Variants in ARNT observed in about 807,000 individuals in gnomAD.
ARNT encodes aryl hydrocarbon receptor nuclear translocator.
Under a neutral mutation model 105.0 loss-of-function variants are expected in ARNT, and 30 were observed. The observed-to-expected ratio is 0.29, with a 90% CI of 0.21 to 0.39. ARNT has a LOEUF of 0.39. Ranked by LOEUF, ARNT falls within the 10% of genes least tolerant of loss-of-function variation. The pLI, the probability that ARNT is intolerant of heterozygous loss-of-function variation, is 1.00. For missense variants in ARNT, 748 were observed against 978.7 expected (o/e 0.76, Z 3.15); for synonymous variants, 304 against 344.0 (o/e 0.88, Z 1.29).
intron 5 of ARNT, among the ~76,000 whole-genome samples, chr1:150,841,576 A>C (rs1661311572): frequency 6.6e-6 from 1 of 151,988 alleles, no homozygotes; most frequent in African/African-American, 2.4e-5. Flanking sequence ...ATATAGTAAA[A>C]ATGGGTATTG....
At chr1:150,832,219 G>GT in intron 9 of ARNT, 115 bp downstream of exon 9, 1 of 1,061,852 alleles carries the variant, frequency 9.4e-7, no homozygotes, top group Non-Finnish European at 1.4e-6. Flanking sequence ...TAAGTGGGAG[G>GT]TAAGGGATGC....
At chr1:150,852,670 A>T in intron 3 of ARNT, 92 bp downstream of exon 3, 2 of 1,175,290 alleles carry the variant, frequency 1.7e-6, no homozygotes, top group South Asian at 1.3e-5. Flanking sequence ...CTCTCCTTAG[A>T]CCTAAGGACA....
At chr1:150,834,379 G>A (rs1165088222) in intron 8 of ARNT, among the ~76,000 whole-genome samples, 159 bp downstream of exon 8, 1 of 152,214 alleles carries the variant, frequency 6.6e-6, no homozygotes, top group African/African-American at 2.4e-5. Context: ...AGAAACGTTA[G>A]TTCCCTTTCC....
At chr1:150,830,160 A>T (rs1659103619) in intron 10 of ARNT, 180 bp from the exon 11 acceptor site, 1 of 576,902 alleles carries the variant, frequency 1.7e-6, no homozygotes, top group Non-Finnish European at 3.0e-6. Flanking sequence ...AGCCTGGCCG[A>T]CACAGTGAAA....
chr1:150,857,693 C>A (rs1167482390), intron 2 of ARNT, among the ~76,000 whole-genome samples: 1 of 152,202 alleles, frequency 6.6e-6, no homozygotes, highest in African/African-American at 2.4e-5. Context: ...TTTTCTCAGT[C>A]TTTACCAACA....
At chr1:150,866,360 G>A (rs1666593730) in intron 1 of ARNT, among the ~76,000 whole-genome samples, 5 of 152,278 alleles carry the variant, frequency 3.3e-5, no homozygotes, top group Admixed American at 2.0e-4. Flanking sequence ...TCTTTTGAAT[G>A]TGAATAATCT....
At chr1:150,823,078 G>T in intron 14 of ARNT, 116 bp downstream of exon 14, 1 of 1,092,688 alleles carries the variant, frequency 9.2e-7, no homozygotes, top group Non-Finnish European at 1.2e-6. Flanking sequence ...CACCACGCCC[G>T]GCTAAATTTT....
rs1654534579 is a variant in ARNT, at chr1:150,810,524, C to A, written c.*1497G>T. On this transcript the variant is annotated 3_prime_UTR_variant, in exon 22 of 22. Coordinates refer to ENST00000358595, the MANE Select transcript of ARNT (RefSeq NM_001668.4). ...AAGGGAAACTCAGCAAATGGACATT[C>A]CTTTGGCCTCTTCAAGGCCACCCTT... 4.5e-6 allele frequency: 1 copy of A among 220,158 alleles called. No homozygotes were observed. The highest frequency in any genetic ancestry group is 2.2e-5 in the African/African-American group (1 of 44,570). 13.6% of individuals were successfully genotyped at this position (220,158 alleles called of 1,614,324 possible).
At chr1:150,858,598 T>C in intron 1 of ARNT, 138 bp from the exon 2 acceptor site, 1 of 644,876 alleles carries the variant, frequency 1.6e-6, no homozygotes, top group South Asian at 2.0e-5. Flanking sequence ...AATGCTCATA[T>C]CCAGATTGCT....
chr1:150,812,072 G>A lies in ARNT; in HGVS notation c.2319C>T (p.Tyr773=), dbSNP rs765705399. 11 of 1,573,414 alleles carry A rather than the reference G, an allele frequency of 7.0e-6. No homozygotes were observed. In the South Asian group the frequency reaches 9.4e-5, roughly 13 times the overall value. ...LSMLGDQSNS[Y]NNEEFPDLTM... ...TTAGATCAGGGAATTCTTCATTGTT[G>A]TAGCTGTTGCTCTGATCTCCCAGCA... The change falls in exon 22 of 22, where the codon TAC becomes TAT. Residue 773 remains tyrosine (Y), a synonymous_variant. Transcript: ENST00000358595.
In ARNT at chr1:150,836,401, C is replaced by T. The variant is rs1290554301; in HGVS notation, c.579G>A (p.Val193=). The part of the protein sequence containing the change: ...TGRVVYVSDS[V]TPVLNQPQSE... ...ACTGTGGCTGGTTCAAAACAGGAGT[C>T]ACGGAGTCAGACACATACACCACCC... The change falls in exon 7 of 22, where the codon GTG becomes GTA. Residue 193 remains valine (V), a synonymous_variant. Coordinates refer to ENST00000358595, the MANE Select transcript of ARNT (RefSeq NM_001668.4). The T allele has an allele frequency of 1.2e-6, 2 of 1,613,994 alleles. No individual in the cohort carries two copies. Among genetic ancestry groups the T allele is most frequent in the Non-Finnish European group, 1.7e-6 (2 of 1,180,018 alleles).
intron 1 of ARNT, among the ~76,000 whole-genome samples, chr1:150,873,149 C>T (rs374061602): frequency 2.5e-4 from 38 of 151,612 alleles, no homozygotes; most frequent in African/African-American, 9.2e-4. Context: ...ATTAGCCGGG[C>T]GTGGTGGCGG....
rs1311221514 is a variant in ARNT, at chr1:150,816,426, G to A, written c.1803-20C>T. ...CTATTCCTAGGAGTGAATAAATGAG[G>A]TAAAAGATTAAAAGGATAGATTTAT... On this transcript the variant is annotated intron_variant, in intron 18 of 21. Coordinates refer to ENST00000358595, the MANE Select transcript of ARNT (RefSeq NM_001668.4). 1 of 1,596,982 alleles carries A rather than the reference G, an allele frequency of 6.3e-7. No homozygotes were observed. Among genetic ancestry groups the A allele is most frequent in the Admixed American group, 1.8e-5 (1 of 55,124 alleles).
At chr1:150,850,852 G>A (rs1199214487) in intron 3 of ARNT, among the ~76,000 whole-genome samples, 2 of 151,830 alleles carry the variant, frequency 1.3e-5, no homozygotes, top group East Asian at 3.9e-4. Flanking sequence ...TCTCTGCCCC[G>A]CAGCCCATCC....
chr1:150,831,953 A>C (rs10305704), intron 9 of ARNT, 50 bp from the exon 10 acceptor site: 434,552 of 1,214,518 alleles, frequency 0.36, 79,487 homozygotes, highest in South Asian at 0.52. Flanking sequence ...CTACCCGTAA[A>C]ACTCAAAGGG....
At chr1:150,864,196 C>T (rs953380021) in intron 1 of ARNT, among the ~76,000 whole-genome samples, 1 of 152,186 alleles carries the variant, frequency 6.6e-6, no homozygotes, top group East Asian at 1.9e-4. Flanking sequence ...GTGCTAAGAC[C>T]TTATGACAAC....
At chr1:150,817,246 G>A (rs747095702) in intron 16 of ARNT, 44 bp from the exon 17 acceptor site, 1 of 1,612,790 alleles carries the variant, frequency 6.2e-7, no homozygotes, top group Non-Finnish European at 8.5e-7. Context: ...GATTTAACAT[G>A]ACAATTCAAT....
At chr1:150,842,255 G>A (rs1338484562) in intron 5 of ARNT, 169 bp downstream of exon 5, 2 of 985,098 alleles carry the variant, frequency 2.0e-6, no homozygotes, top group African/African-American at 3.5e-5. Flanking sequence ...ACTTTCTGAT[G>A]GGGGAAGCCA....
chr1:150,858,282 A>G, intron 2 of ARNT, 67 bp downstream of exon 2: 1 of 1,235,542 alleles, frequency 8.1e-7, no homozygotes, highest in South Asian at 1.3e-5. Flanking sequence ...TTCAGCAACT[A>G]AATAAATTCA....
Sources: allele counts gnomAD v4.1 joint callset (sites outside exome capture counted in the v4.1 genomes callset), GRCh38; gene constraint gnomAD v4.1.1; transcripts MANE v1.5; gene names NCBI Gene and HGNC (gene_info 2026-07-23, HGNC 2026-07-21).